Variants in PDE8B observed in about 807,000 individuals in gnomAD.
The protein encoded by PDE8B is phosphodiesterase 8B, also known as high affinity cAMP-specific and IBMX-insensitive 3',5'-cyclic phosphodiesterase 8B.
PDE8B carries 26 observed loss-of-function variants against 101.3 expected under a neutral mutation model. That is an observed-to-expected ratio of 0.26 (90% confidence interval 0.19 to 0.36). The LOEUF is 0.36. PDE8B is among the 10% of genes least tolerant of loss of function. PDE8B has a pLI of 1.00. For synonymous variants in PDE8B, 424 were observed against 429.3 expected (o/e 0.99, Z 0.15); for missense variants, 810 against 1,163.1 (o/e 0.70, Z 4.42).
the PDE8B span, among the ~76,000 whole-genome samples, chr5:77,158,902 TG>T: frequency 1.3e-5 from 2 of 152,200 alleles, no homozygotes; most frequent in African/African-American, 4.8e-5. Context: ...ACTTACTTGA[TG>T]GTATACTCCT....
the PDE8B span, among the ~76,000 whole-genome samples, chr5:77,091,607 C>T: frequency 6.6e-6 from 1 of 152,062 alleles, no homozygotes; most frequent in Non-Finnish European, 1.5e-5. Context: ...TGCAACTGCA[C>T]TCCAGACTGG....
chr5:77,186,403 T>C, the PDE8B span, among the ~76,000 whole-genome samples: 1 of 152,190 alleles, frequency 6.6e-6, no homozygotes, highest in Non-Finnish European at 1.5e-5. Context: ...TAAATTGATT[T>C]GGAAAAGCAG....
chr5:77,317,863 C>G (rs1351298084), intron 2 of PDE8B, among the ~76,000 whole-genome samples: 4 of 151,898 alleles, frequency 2.6e-5, no homozygotes, highest in Non-Finnish European at 5.9e-5. Flanking sequence ...CCTTTCAAAG[C>G]CTGGCCAAGA....
intron 1 of PDE8B, among the ~76,000 whole-genome samples, chr5:77,244,544 G>T (rs1040962687): frequency 2.0e-5 from 3 of 151,940 alleles, no homozygotes; most frequent in African/African-American, 7.3e-5. Context: ...GGCCCAGCAG[G>T]CCTCAGTATA....
At chr5:77,396,308 T>C (rs944305519) in intron 10 of PDE8B, among the ~76,000 whole-genome samples, 15 of 152,228 alleles carry the variant, frequency 9.9e-5, no homozygotes, top group African/African-American at 2.7e-4. Context: ...CCTTTGTAGA[T>C]AGCTTTGAGG....
chr5:77,239,961 C>T (rs2149536171), intron 1 of PDE8B, among the ~76,000 whole-genome samples: 1 of 152,206 alleles, frequency 6.6e-6, no homozygotes, highest in East Asian at 1.9e-4. Flanking sequence ...CCTAACCCTT[C>T]GACGTCAGTC....
chr5:77,421,779 C>A (rs769050254), intron 19 of PDE8B, 42 bp from the exon 20 acceptor site: 10 of 1,601,866 alleles, frequency 6.2e-6, no homozygotes, highest in Admixed American at 5.0e-5. Flanking sequence ...TGGGCTTCAC[C>A]GTCATCTTGA....
At chr5:77,337,797 G>A (rs1561546870) in intron 6 of PDE8B, among the ~76,000 whole-genome samples, 1 of 152,194 alleles carries the variant, frequency 6.6e-6, no homozygotes, top group Non-Finnish European at 1.5e-5. Flanking sequence ...TAAGAAACCA[G>A]TTTTAAGTCT....
chr5:77,190,488 A>C, the PDE8B span, among the ~76,000 whole-genome samples: 8 of 152,232 alleles, frequency 5.3e-5, no homozygotes, highest in Non-Finnish European at 1.2e-4. Flanking sequence ...AAATGGGATA[A>C]TAGAAGAGAA....
chr5:77,306,638 T>A (rs981117674), intron 1 of PDE8B, among the ~76,000 whole-genome samples: 1 of 152,200 alleles, frequency 6.6e-6, no homozygotes, highest in African/African-American at 2.4e-5. Flanking sequence ...GCTTCCCTCT[T>A]GTCTGAGGAA....
intron 1 of PDE8B, among the ~76,000 whole-genome samples, chr5:77,269,802 G>T (rs921553349): frequency 1.3e-5 from 2 of 152,022 alleles, no homozygotes; most frequent in Non-Finnish European, 2.9e-5. Context: ...ATTTATTTTT[G>T]GGTTCTCTAT....
At chr5:77,348,019 C>T (rs1030619403) in intron 7 of PDE8B, among the ~76,000 whole-genome samples, 25 of 152,100 alleles carry the variant, frequency 1.6e-4, no homozygotes, top group Non-Finnish European at 3.1e-4. Flanking sequence ...AAGACAATAT[C>T]AGGCCTCCTT....
the PDE8B span, among the ~76,000 whole-genome samples, chr5:77,096,744 C>A: frequency 6.6e-6 from 1 of 152,280 alleles, no homozygotes; most frequent in East Asian, 1.9e-4. Flanking sequence ...CAGTTGCATC[C>A]CTCCAATCGC....
intron 17 of PDE8B, among the ~76,000 whole-genome samples, chr5:77,416,448 C>G (rs1375260700): frequency 1.3e-5 from 2 of 152,150 alleles, no homozygotes; most frequent in African/African-American, 2.4e-5. Context: ...GCTTGGAGAT[C>G]GCTGAACGTG....
intron 10 of PDE8B, among the ~76,000 whole-genome samples, chr5:77,390,257 G>A (rs1789630376): frequency 6.6e-6 from 1 of 152,140 alleles, no homozygotes; most frequent in African/African-American, 2.4e-5. Context: ...TGTAAACAAA[G>A]CATTTAGCAC....
intron 10 of PDE8B, among the ~76,000 whole-genome samples, chr5:77,388,137 C>A (rs1174863978): frequency 6.6e-6 from 1 of 152,054 alleles, no homozygotes; most frequent in African/African-American, 2.4e-5. Flanking sequence ...GAGTTGTGAT[C>A]CTTTGGAGGA....
chr5:77,095,485 T>A, the PDE8B span, among the ~76,000 whole-genome samples: 1,958 of 152,352 alleles, frequency 0.013, 40 homozygotes, highest in African/African-American at 0.045. Context: ...CTGAGCACAG[T>A]GGTTTCGGCA....
intron 10 of PDE8B, among the ~76,000 whole-genome samples, chr5:77,366,792 A>G (rs910160090): frequency 6.6e-6 from 1 of 152,216 alleles, no homozygotes; most frequent in African/African-American, 2.4e-5. Context: ...TTAAAGTGAC[A>G]TTAAAAACTG....
chr5:77,276,212 T>C (rs952948758), intron 1 of PDE8B, among the ~76,000 whole-genome samples: 1 of 152,226 alleles, frequency 6.6e-6, no homozygotes, highest in African/African-American at 2.4e-5. Context: ...TTCCTGTTTC[T>C]TAAAATAAGC....
Sources: gnomAD v4.1 joint callset for allele counts (sites outside exome capture counted in the v4.1 genomes callset) on GRCh38, gnomAD v4.1.1 for gene constraint, MANE v1.5 for transcripts, NCBI Gene and HGNC (gene_info 2026-07-23, HGNC 2026-07-21) for gene names.